The following KMO variants were observed in gnomAD, a reference collection of about 807,000 sequenced individuals.
The protein encoded by KMO is kynurenine 3-hydroxylase.
KMO carries 24 observed loss-of-function variants against 57.8 expected under a neutral mutation model. The ratio of observed to expected loss-of-function variants is 0.42; its 90% CI spans 0.30 to 0.58. KMO has a LOEUF of 0.58. Ranked by LOEUF, KMO falls within the 20% of genes least tolerant of loss-of-function variation. The probability of loss-of-function intolerance (pLI) is 0.22; values close to 1 mark genes in which losing one functional copy is unlikely to be tolerated. For missense variants in KMO, 483 were observed against 588.2 expected (o/e 0.82, Z 1.85); for synonymous variants, 210 against 193.6 (o/e 1.08, Z -0.70).
At chr1:241,538,536 T>C (rs1660829107) in intron 1 of KMO, among the ~76,000 whole-genome samples, 1 of 152,230 alleles carries the variant, frequency 6.6e-6, no homozygotes, top group South Asian at 2.1e-4. Context: ...TACATGACTT[T>C]TAGCTATATG....
chr1:241,532,638 AT>A (rs902748888), intron 1 of KMO, 140 bp downstream of exon 1: 15 of 595,264 alleles, frequency 2.5e-5, no homozygotes, highest in African/African-American at 1.2e-4. Flanking sequence ...TATTTTGTTT[AT>A]TTTTTTAATA....
In KMO at chr1:241,548,714, C is replaced by G. The variant is rs149506288; in HGVS notation, c.55-115C>G. Reference sequence around the variant, plus strand: ...GATAAATGAGGCTGGTAAAATATGACCACACACAATGTGAGGCTAGTAAAA... The same window carrying G: ...GATAAATGAGGCTGGTAAAATATGAGCACACACAATGTGAGGCTAGTAAAA... On this transcript the variant is annotated intron_variant, in intron 1 of 14. Transcript: ENST00000366559. 135 of 586,052 alleles carry G rather than the reference C, an allele frequency of 2.3e-4. 1 individual carries two copies. The East Asian group carries it at 4.2e-3, about 18-fold the overall frequency. The allele number at this position is 586,052 out of a possible 1,614,324, so 36.3% of individuals were successfully genotyped here.
At chr1:241,590,782 A>G (rs1346148654) in intron 14 of KMO, among the ~76,000 whole-genome samples, 1 of 152,192 alleles carries the variant, frequency 6.6e-6, no homozygotes, top group African/African-American at 2.4e-5. Flanking sequence ...CTGAGCTGGC[A>G]TGGTGATGAA....
chr1:241,565,006 A>T lies in KMO; in HGVS notation c.635A>T (p.Tyr212Phe). 4 of 1,606,788 alleles carry T rather than the reference A, an allele frequency of 2.5e-6. No homozygotes were observed. The highest frequency in any genetic ancestry group is 3.4e-6 in the Non-Finnish European group (4 of 1,173,622). Residue 212 changes from tyrosine to phenylalanine, a missense_variant, in exon 8 of 15, where the codon TAT becomes TTT. Physicochemically the swap from Tyr to Phe is conservative, Grantham distance 22 (BLOSUM62 3). Transcript: ENST00000366559. ...CTGCAGTATGCCATGGAACCTAATT[A>T]TCTGCATATTTGGCCTAGAAATACC... ...KNGDYAMEPN[Y>F]LHIWPRNTFM... is the part of the protein sequence containing the mutation.
intron 1 of KMO, among the ~76,000 whole-genome samples, chr1:241,540,340 C>T (rs1558410509): frequency 6.6e-6 from 1 of 151,876 alleles, no homozygotes; most frequent in Non-Finnish European, 1.5e-5. Context: ...ATTCAATGTA[C>T]TTGAGACATT....
chr1:241,591,873 C>A, intron 14 of KMO, 80 bp from the exon 15 acceptor site: 2 of 1,081,470 alleles, frequency 1.8e-6, no homozygotes, highest in African/African-American at 3.1e-5. Flanking sequence ...ATTGTTTACC[C>A]CTTTGTTGTT....
At chr1:241,541,980 T>C (rs941243213) in intron 1 of KMO, among the ~76,000 whole-genome samples, 1 of 151,444 alleles carries the variant, frequency 6.6e-6, no homozygotes, top group African/African-American at 2.4e-5. Context: ...AGTTGACAAA[T>C]GTTTAATATT....
At chr1:241,588,225 T>G (rs192756717) in intron 11 of KMO, among the ~76,000 whole-genome samples, 1 of 151,906 alleles carries the variant, frequency 6.6e-6, no homozygotes, top group African/African-American at 2.4e-5. Context: ...TAAAGTAAGT[T>G]CATAGTATAT....
chr1:241,584,977 G>A lies in KMO; in HGVS notation c.958-1702G>A, dbSNP rs565071399. ...GTGGTGGCTCACGCCTGTAATCCCA[G>A]CACTTTGGGAGACCGAGACAGGTGG... On this transcript the variant is annotated intron_variant, in intron 10 of 14. Transcript: ENST00000366559. Among the ~76,000 whole-genome samples, 14 of 152,242 alleles carry A rather than the reference G, an allele frequency of 9.2e-5. No homozygotes were observed. In the East Asian group the frequency reaches 2.3e-3, roughly 25 times the overall value.
chr1:241,593,359 A>G lies in KMO; in HGVS notation c.*1206A>G, dbSNP rs529255504. 551 of 438,808 alleles carry G rather than the reference A, an allele frequency of 1.3e-3. 3 individuals carry two copies. Among genetic ancestry groups the G allele is most frequent in the South Asian group, 6.8e-3 (406 of 60,148 alleles). The allele number at this position is 438,808 out of a possible 1,614,324, so 27.2% of individuals were successfully genotyped here. A position where few individuals can be genotyped will look rare whatever the true frequency, so the allele number is the denominator to read the frequency against. On this transcript the variant is annotated 3_prime_UTR_variant, in exon 15 of 15. Transcript: ENST00000366559. ...TGTTTTCTTTGGTTCATCCTTCTTTAACAGGCTGCTGAGTCACTCAGAAAT... is the reference window on the plus strand; with the variant it reads ...TGTTTTCTTTGGTTCATCCTTCTTTGACAGGCTGCTGAGTCACTCAGAAAT...
At chr1:241,580,399 C>T (rs1240330319) in intron 10 of KMO, among the ~76,000 whole-genome samples, 2 of 152,076 alleles carry the variant, frequency 1.3e-5, no homozygotes, top group South Asian at 2.1e-4. Flanking sequence ...ATTCAGTTTG[C>T]TCTTGCTTTT....
At chr1:241,549,232 A>G (rs1249476375) in intron 2 of KMO, among the ~76,000 whole-genome samples, 1 of 13,632 alleles carries the variant, frequency 7.3e-5, no homozygotes, top group African/African-American at 1.2e-4. Flanking sequence ...AAAGAAAGAA[A>G]GAAAGAAAGA....
rs1223268176 is a variant in KMO, at chr1:241,568,661, C to T, written c.957+14C>T. ...GGAATGAATGCGGTAAGTTCTTTTT[C>T]CCTAGGTAAGTCCCTCAAATACTTC... On this transcript the variant is annotated intron_variant, in intron 10 of 14. Coordinates refer to ENST00000366559, the MANE Select transcript of KMO (RefSeq NM_003679.5). The T allele has an allele frequency of 6.2e-7, 1 of 1,611,362 alleles. No homozygotes were observed. Among genetic ancestry groups the T allele is most frequent in the Non-Finnish European group, 8.5e-7 (1 of 1,178,456 alleles).
intron 10 of KMO, among the ~76,000 whole-genome samples, chr1:241,577,688 C>T (rs1662575232): frequency 6.6e-6 from 1 of 151,972 alleles, no homozygotes; most frequent in African/African-American, 2.4e-5. Context: ...TTTATTTTTT[C>T]CCCAGTATTT....
chr1:241,542,639 C>T (rs924230473), intron 1 of KMO, among the ~76,000 whole-genome samples: 114 of 152,208 alleles, frequency 7.5e-4, no homozygotes, highest in African/African-American at 2.7e-3. Context: ...ACCCTCAGAA[C>T]CAGAATCAAA....
Position 241,594,918 on chromosome 1 carries a change from A to G in KMO, c.*2765A>G, listed in dbSNP as rs1663453820. 4.0e-6 allele frequency: 2 copies of G among 495,412 alleles called. No individual in the cohort carries two copies. Among genetic ancestry groups the G allele is most frequent in the East Asian group, 6.8e-5 (2 of 29,588 alleles). 30.7% of individuals were successfully genotyped at this position (495,412 alleles called of 1,614,324 possible). On this transcript the variant is annotated 3_prime_UTR_variant, in exon 15 of 15. Coordinates refer to ENST00000366559, the MANE Select transcript of KMO (RefSeq NM_003679.5). ...CCGGAATATGTAGGACCATTTCAAT[A>G]CCTTGTAATCCTCCAAGCTTCAATC...
chr1:241,590,677 T>C (rs1440659265), intron 14 of KMO, among the ~76,000 whole-genome samples: 1 of 152,216 alleles, frequency 6.6e-6, no homozygotes, highest in Non-Finnish European at 1.5e-5. Context: ...GAGAAGCCAT[T>C]AAATGGAAGG....
chr1:241,570,735 CT>C (rs1234470872), intron 10 of KMO, among the ~76,000 whole-genome samples: 3 of 152,000 alleles, frequency 2.0e-5, no homozygotes, highest in Non-Finnish European at 4.4e-5. Flanking sequence ...CAGTTTTGTT[CT>C]TTTTGCTCAG....
rs1207722438 is a variant in KMO at position 241,562,203 on chromosome 1, C to A, written c.486C>A (p.Leu162=). 6.2e-7 allele frequency: 1 copy of A among 1,614,102 alleles called. No individual in the cohort carries two copies. Among genetic ancestry groups the A allele is most frequent in the Non-Finnish European group, 8.5e-7 (1 of 1,179,996 alleles). ...DKVPKDVTCD[L]IVGCDGAYST... ...TTCCCAAAGATGTCACTTGTGACCT[C>A]ATTGTAGGATGTGATGGAGCCTATT... Residue 162 remains leucine (L), a synonymous_variant, in exon 7 of 15, where the codon CTC becomes CTA. Coordinates refer to ENST00000366559, the MANE Select transcript of KMO (RefSeq NM_003679.5).
Sources: allele counts gnomAD v4.1 joint callset (sites outside exome capture counted in the v4.1 genomes callset), GRCh38; gene constraint gnomAD v4.1.1; transcripts MANE v1.5; gene names NCBI Gene and HGNC (gene_info 2026-07-23, HGNC 2026-07-21).